The following ASCL1 variants were observed in gnomAD, a reference collection of about 807,000 sequenced individuals.
ASCL1 encodes the protein achaete-scute homolog 1.
ASCL1 carries 2 observed loss-of-function variants against 16.1 expected under a neutral mutation model. The observed-to-expected ratio is 0.12, with a 90% CI of 0.05 to 0.39. The LOEUF (loss-of-function observed/expected upper bound fraction) is 0.39, where lower values mean the gene tolerates loss of function less well. Among genes scored for constraint, ASCL1 ranks in the 10% least tolerant of loss-of-function variants. ASCL1 has a pLI of 0.99. For synonymous variants in ASCL1, 165 were observed against 155.7 expected, an observed-to-expected ratio of 1.06 and a Z score of -0.45; for missense variants, 276 against 336.9, an observed-to-expected ratio of 0.82 and a Z score of 1.41.
Position 102,958,230 on chromosome 12 carries a change from T to C in ASCL1, c.-15T>C. The C allele has an allele frequency of 1.4e-6, 2 of 1,460,466 alleles. No individual in the cohort carries two copies. Among genetic ancestry groups the C allele is most frequent in the South Asian group, 1.3e-5 (1 of 74,334 alleles). 90.5% of individuals were successfully genotyped at this position (1,460,466 alleles called of 1,614,324 possible). A position where few individuals can be genotyped will look rare whatever the true frequency, so the allele number is the denominator to read the frequency against. ...GGATCGCTCTGATTCCGCGACTCCT[T>C]GGCCGCCGCTGCGCATGGAAAGCTC... On this transcript the variant is annotated 5_prime_UTR_variant, in exon 1 of 2. Coordinates refer to ENST00000266744, the MANE Select transcript of ASCL1 (RefSeq NM_004316.4).
chr12:102,959,298 T>C, intron 1 of ASCL1, 64 bp from the exon 2 acceptor site: 1 of 367,530 alleles, frequency 2.7e-6, no homozygotes, highest in East Asian at 6.5e-5. Context: ...CAGACCTCCA[T>C]CTCCCTCTAC....
rs752513789 is a variant in ASCL1 at position 102,958,379 on chromosome 12, G to C, written c.135G>C (p.Ala45=). The part of the protein sequence containing the change: ...AAAAAAAAAA[A]AAQSAQQQQQ... ...CCGCGGCGGCCGCAGCCGCCGCAGC[G>C]GCAGCGCAGAGCGCGCAGCAGCAGC... Residue 45 remains alanine, a synonymous_variant, in exon 1 of 2, where the codon GCG becomes GCC. Transcript: ENST00000266744. The C allele has an allele frequency of 6.5e-5, 97 of 1,485,256 alleles. No homozygotes were observed. The highest frequency in any genetic ancestry group is 7.6e-5 in the Non-Finnish European group (85 of 1,121,346). 92.0% of individuals were successfully genotyped at this position (1,485,256 alleles called of 1,614,324 possible). A position where few individuals can be genotyped will look rare whatever the true frequency, so the allele number is the denominator to read the frequency against.
rs778971427 is a variant in ASCL1 at position 102,958,282 on chromosome 12, G to A, written c.38G>A (p.Gly13Asp). 7 of 1,476,072 alleles carry A rather than the reference G, an allele frequency of 4.7e-6. No homozygotes were observed. The Admixed American group carries it at 7.2e-5, about 15-fold the overall frequency. The allele number at this position is 1,476,072 out of a possible 1,614,324, so 91.4% of individuals were successfully genotyped here. The change falls in exon 1 of 2, where the codon GGC becomes GAC. Residue 13 changes from glycine (G) to aspartate (D), a missense_variant. Around this residue, in one of 3 missense-constraint regions of ASCL1, gnomAD observed 178 missense variants for 167.0 expected, o/e 1.07. Coordinates refer to ENST00000266744, the MANE Select transcript of ASCL1 (RefSeq NM_004316.4). The stretch of plus-strand genomic sequence containing the variant: ...GCCAAGATGGAGAGCGGCGGCGCCG[G>A]CCAGCAGCCCCAGCCGCAGCCCCAG... Reference protein sequence around the residue: ...SSAKMESGGAGQQPQPQPQQP... With the variant: ...SSAKMESGGADQQPQPQPQQP...
At position 102,958,453 on chromosome 12, in the gene ASCL1, C is replaced by T. The variant is rs987819243; in HGVS notation, c.209C>T (p.Ala70Val). Residue 70 changes from alanine (A) to valine (V), a missense_variant, in exon 1 of 2, where the codon GCC becomes GTC. Transcript: ENST00000266744. ...CAGGCGCCGCAGCTGAGACCGGCGG[C>T]CGACGGCCAGCCCTCAGGGGGCGGT... ...QQQAPQLRPA[A>V]DGQPSGGGHK... The T allele has an allele frequency of 2.6e-6, 4 of 1,557,842 alleles. No homozygotes were observed. Among genetic ancestry groups the T allele is most frequent in the Non-Finnish European group, 2.6e-6 (3 of 1,153,432 alleles).
chr12:102,958,725 C>A lies in ASCL1; in HGVS notation c.481C>A (p.Arg161Ser). ...NKKMSKVETL[R>S]SAVEYIRALQ... ...GAAGATGAGTAAGGTGGAGACACTGCGCTCGGCGGTCGAGTACATCCGCGC... is the reference window on the plus strand; with the variant it reads ...GAAGATGAGTAAGGTGGAGACACTGAGCTCGGCGGTCGAGTACATCCGCGC... Residue 161 changes from arginine (R) to serine (S), a missense_variant, in exon 1 of 2, where the codon CGC becomes AGC. Arg to Ser is a moderately radical substitution (Grantham distance 110). This residue lies in a region of ASCL1 where 30 missense variants were observed against 83.2 expected (regional missense o/e 0.36). Coordinates refer to ENST00000266744, the MANE Select transcript of ASCL1 (RefSeq NM_004316.4). 6.2e-7 allele frequency: 1 copy of A among 1,614,098 alleles called. No individual in the cohort carries two copies. The highest frequency in any genetic ancestry group is 8.5e-7 in the Non-Finnish European group (1 of 1,180,024).
rs1253379396 is a variant in ASCL1, at chr12:102,959,625, A to C, written c.*311A>C. ...AACTGGGACCTGAGTCAATGCGCAA[A>C]ATGCAGCTTGTGTGCAAAAGCAGTG... On this transcript the variant is annotated 3_prime_UTR_variant, in exon 2 of 2. Coordinates refer to ENST00000266744, the MANE Select transcript of ASCL1 (RefSeq NM_004316.4). 1 of 152,416 alleles carries C rather than the reference A, an allele frequency of 6.6e-6. No homozygotes were observed. Among genetic ancestry groups the C allele is most frequent in the African/African-American group, 2.4e-5 (1 of 41,438 alleles). 9.4% of individuals were successfully genotyped at this position (152,416 alleles called of 1,614,324 possible).
rs1464889152 is a variant in ASCL1, at chr12:102,959,683, A to G, written c.*369A>G. The G allele has an allele frequency of 6.6e-6, 1 of 152,296 alleles. No homozygotes were observed. The highest frequency in any genetic ancestry group is 1.5e-5 in the Non-Finnish European group (1 of 68,124). The allele number at this position is 152,296 out of a possible 1,614,324, so 9.4% of individuals were successfully genotyped here. The stretch of plus-strand genomic sequence containing the variant: ...GGCAGAAGGGAGCAGCACACGCGTT[A>G]TAGTAACTCCCATCACCTCTAACAC... On this transcript the variant is annotated 3_prime_UTR_variant, in exon 2 of 2. Transcript: ENST00000266744.
chr12:102,958,593 C>G lies in ASCL1; in HGVS notation c.349C>G (p.Pro117Ala). The change falls in exon 1 of 2, where the codon CCG becomes GCG. Residue 117 changes from proline (P) to alanine (A), a missense_variant. Physicochemically the swap from Pro to Ala is conservative, Grantham distance 27. Around this residue, in one of 3 missense-constraint regions of ASCL1, gnomAD observed 178 missense variants for 167.0 expected, o/e 1.07. Coordinates refer to ENST00000266744, the MANE Select transcript of ASCL1 (RefSeq NM_004316.4). ...TGGCTACAGCCTGCCGCAGCAGCAGCCGGCCGCCGTGGCGCGCCGCAACGA... is the reference window on the plus strand; with the variant it reads ...TGGCTACAGCCTGCCGCAGCAGCAGGCGGCCGCCGTGGCGCGCCGCAACGA... ...GFGYSLPQQQ[P>A]AAVARRNERE... 1 of 1,610,042 alleles carries G rather than the reference C, an allele frequency of 6.2e-7. No individual in the cohort carries two copies. The highest frequency in any genetic ancestry group is 8.5e-7 in the Non-Finnish European group (1 of 1,178,556).
chr12:102,958,392 G>T lies in ASCL1; in HGVS notation c.148G>T (p.Ala50Ser). ...AGCCGCCGCAGCGGCAGCGCAGAGCGCGCAGCAGCAGCAGCAGCAGCAGCA... is the reference window on the plus strand; with the variant it reads ...AGCCGCCGCAGCGGCAGCGCAGAGCTCGCAGCAGCAGCAGCAGCAGCAGCA... ...AAAAAAAAQS[A>S]QQQQQQQQQQ... Residue 50 changes from alanine (A) to serine (S), a missense_variant, in exon 1 of 2, where the codon GCG (alanine) becomes TCG (serine). Ala to Ser is a moderately conservative substitution (Grantham distance 99). This residue lies in a region of ASCL1 where 178 missense variants were observed against 167.0 expected (regional missense o/e 1.07). Coordinates refer to ENST00000266744, the MANE Select transcript of ASCL1 (RefSeq NM_004316.4). The T allele has an allele frequency of 7.2e-7, 1 of 1,392,834 alleles. No homozygotes were observed. The highest frequency in any genetic ancestry group is 9.4e-7 in the Non-Finnish European group (1 of 1,062,224). 86.3% of individuals were successfully genotyped at this position (1,392,834 alleles called of 1,614,324 possible). A position where few individuals can be genotyped will look rare whatever the true frequency, so the allele number is the denominator to read the frequency against.
In ASCL1 at chr12:102,958,988, G is replaced by A. The variant is rs961679419; in HGVS notation, c.*33G>A. On this transcript the variant is annotated 3_prime_UTR_variant, in exon 1 of 2. Transcript: ENST00000266744. ...GGCCTGGTCAGGCCCTGGTGCGAAT[G>A]GACTTTGGAAGCAGGTAGGTTGCAT... The A allele has an allele frequency of 2.5e-6, 4 of 1,613,074 alleles. No individual in the cohort carries two copies. In the South Asian group the frequency reaches 3.3e-5, roughly 13 times the overall value.
In ASCL1 at chr12:102,959,790, T is replaced by G. The variant is rs1490329800; in HGVS notation, c.*476T>G. Reference sequence around the variant, plus strand: ...CAGTTCTTAGCCCTCTAGAAACGAGTTGGTGTCTTTCGTCTCAGTAGCCCC... The same window carrying G: ...CAGTTCTTAGCCCTCTAGAAACGAGGTGGTGTCTTTCGTCTCAGTAGCCCC... On this transcript the variant is annotated 3_prime_UTR_variant, in exon 2 of 2. Coordinates refer to ENST00000266744, the MANE Select transcript of ASCL1 (RefSeq NM_004316.4). 6.6e-6 allele frequency: 1 copy of G among 152,102 alleles called. No individual in the cohort carries two copies. The highest frequency in any genetic ancestry group is 1.9e-4 in the East Asian group (1 of 5,184). 9.4% of individuals were successfully genotyped at this position (152,102 alleles called of 1,614,324 possible).
Position 102,958,361 on chromosome 12 carries a change from G to GGCCGCAGCC in ASCL1, c.126_134dup (p.Ala45_Ala47dup). On this transcript the variant is annotated inframe_insertion, in exon 1 of 2. Transcript: ENST00000266744. ...TCTTTGCCACGGCCGCAGCCGCGGC[G>GGCCGCAGCC]GCCGCAGCCGCCGCAGCGGCAGCGC... 2.1e-6 allele frequency: 3 copies of GGCCGCAGCC among 1,439,004 alleles called. No individual in the cohort carries two copies. The highest frequency in any genetic ancestry group is 2.7e-6 in the Non-Finnish European group (3 of 1,101,274). 89.1% of individuals were successfully genotyped at this position (1,439,004 alleles called of 1,614,324 possible).
At position 102,958,184 on chromosome 12, in the gene ASCL1, G is replaced by A. The variant is rs1172616003; in HGVS notation, c.-61G>A. 2.3e-6 allele frequency: 3 copies of A among 1,327,398 alleles called. No homozygotes were observed. Among genetic ancestry groups the A allele is most frequent in the Non-Finnish European group, 2.9e-6 (3 of 1,021,900 alleles). 82.2% of individuals were successfully genotyped at this position (1,327,398 alleles called of 1,614,324 possible). On this transcript the variant is annotated 5_prime_UTR_variant, in exon 1 of 2. Coordinates refer to ENST00000266744, the MANE Select transcript of ASCL1 (RefSeq NM_004316.4). Reference sequence around the variant, plus strand: ...CAAGTTCTCTCTGTGTCCCCCTCGCGGGCCCCGCACCTCGCGTCCCGGATC... The same window carrying A: ...CAAGTTCTCTCTGTGTCCCCCTCGCAGGCCCCGCACCTCGCGTCCCGGATC...
rs758644642 is a variant in ASCL1 at position 102,958,295 on chromosome 12, G to A, written c.51G>A (p.Gln17=). Residue 17 remains glutamine, a synonymous_variant, in exon 1 of 2, where the codon CAG becomes CAA. Coordinates refer to ENST00000266744, the MANE Select transcript of ASCL1 (RefSeq NM_004316.4). ...GCGGCGGCGCCGGCCAGCAGCCCCAGCCGCAGCCCCAGCAGCCCTTCCTGC... is the reference window on the plus strand; with the variant it reads ...GCGGCGGCGCCGGCCAGCAGCCCCAACCGCAGCCCCAGCAGCCCTTCCTGC... ...MESGGAGQQP[Q]PQPQQPFLPP... The A allele has an allele frequency of 1.4e-6, 2 of 1,479,844 alleles. No individual in the cohort carries two copies. Among genetic ancestry groups the A allele is most frequent in the Non-Finnish European group, 1.8e-6 (2 of 1,120,984 alleles). 91.7% of individuals were successfully genotyped at this position (1,479,844 alleles called of 1,614,324 possible). A position where few individuals can be genotyped will look rare whatever the true frequency, so the allele number is the denominator to read the frequency against.
chr12:102,958,468 C>T lies in ASCL1; in HGVS notation c.224C>T (p.Ser75Leu), dbSNP rs1880012204. ...QLRPAADGQP[S>L]GGGHKSAPKQ... is the part of the protein sequence containing the mutation. Reference sequence around the variant, plus strand: ...AGACCGGCGGCCGACGGCCAGCCCTCAGGGGGCGGTCACAAGTCAGCGCCC... The same window carrying T: ...AGACCGGCGGCCGACGGCCAGCCCTTAGGGGGCGGTCACAAGTCAGCGCCC... The change falls in exon 1 of 2, where the codon TCA (serine) becomes TTA (leucine). Residue 75 changes from serine to leucine, a missense_variant. Transcript: ENST00000266744. 6.4e-6 allele frequency: 10 copies of T among 1,572,922 alleles called. No homozygotes were observed. The highest frequency in any genetic ancestry group is 2.7e-5 in the African/African-American group (2 of 73,686).
chr12:102,959,713 A>T lies in ASCL1; in HGVS notation c.*399A>T, dbSNP rs975866988. On this transcript the variant is annotated 3_prime_UTR_variant, in exon 2 of 2. Transcript: ENST00000266744. ...AACTCCCATCACCTCTAACACGCAC[A>T]GCTGAAAGTTCTTGCTCGGGTCCCT... The T allele has an allele frequency of 2.1e-4, 32 of 152,256 alleles. No individual in the cohort carries two copies. Among genetic ancestry groups the T allele is most frequent in the African/African-American group, 7.0e-4 (29 of 41,444 alleles). The allele number at this position is 152,256 out of a possible 1,614,324, so 9.4% of individuals were successfully genotyped here. A position where few individuals can be genotyped will look rare whatever the true frequency, so the allele number is the denominator to read the frequency against.
Position 102,958,393 on chromosome 12 carries a change from C to CGCAGCAGCAGCAGCAGCGCAGAGCGCGCA in ASCL1, c.166_167insGCAGAGCGCGCAGCAGCAGCAGCAGCAGC (p.Gln56ArgfsTer21), listed in dbSNP as rs1880004712. ...GCCGCCGCAGCGGCAGCGCAGAGCG[C>CGCAGCAGCAGCAGCAGCGCAGAGCGCGCA]GCAGCAGCAGCAGCAGCAGCAGCAG... On this transcript the variant is annotated frameshift_variant, in exon 1 of 2. Transcript: ENST00000266744. LOFTEE classifies it high-confidence loss of function. The CGCAGCAGCAGCAGCAGCGCAGAGCGCGCA allele has an allele frequency of 7.7e-7, 1 of 1,292,124 alleles. No homozygotes were observed. The highest frequency in any genetic ancestry group is 1.0e-6 in the Non-Finnish European group (1 of 974,726). 80.0% of individuals were successfully genotyped at this position (1,292,124 alleles called of 1,614,324 possible). A position where few individuals can be genotyped will look rare whatever the true frequency, so the allele number is the denominator to read the frequency against.
At position 102,958,700 on chromosome 12, in the gene ASCL1, G is replaced by A. The variant is rs759716455; in HGVS notation, c.456G>A (p.Lys152=). ...REHVPNGAAN[K]KMSKVETLRS... ...ACGTCCCCAACGGCGCGGCCAACAAGAAGATGAGTAAGGTGGAGACACTGC... is the reference window on the plus strand; with the variant it reads ...ACGTCCCCAACGGCGCGGCCAACAAAAAGATGAGTAAGGTGGAGACACTGC... Residue 152 remains lysine (K), a synonymous_variant, in exon 1 of 2, where the codon AAG becomes AAA. Transcript: ENST00000266744. The A allele has an allele frequency of 9.9e-6, 16 of 1,613,974 alleles. No homozygotes were observed. Among genetic ancestry groups the A allele is most frequent in the African/African-American group, 1.3e-5 (1 of 74,942 alleles).
Position 102,958,186 on chromosome 12 carries a change from GC to G in ASCL1, c.-55del. 7.4e-7 allele frequency: 1 copy of G among 1,344,870 alleles called. No homozygotes were observed. Among genetic ancestry groups the G allele is most frequent in the Admixed American group, 3.3e-5 (1 of 30,686 alleles). The allele number at this position is 1,344,870 out of a possible 1,614,324, so 83.3% of individuals were successfully genotyped here. On this transcript the variant is annotated 5_prime_UTR_variant, in exon 1 of 2. Coordinates refer to ENST00000266744, the MANE Select transcript of ASCL1 (RefSeq NM_004316.4). ...AGTTCTCTCTGTGTCCCCCTCGCGG[GC>G]CCCGCACCTCGCGTCCCGGATCGCT...
Sources: allele counts gnomAD v4.1 joint callset, GRCh38; gene constraint gnomAD v4.1.1; regional missense constraint gnomAD v4.1.1; transcripts MANE v1.5; gene names NCBI Gene and HGNC (gene_info 2026-07-23, HGNC 2026-07-21).